The following BTBD9 variants were observed in gnomAD, a reference collection of about 807,000 sequenced individuals.
BTBD9 encodes the protein BTB/POZ domain-containing protein 9.
In BTBD9, 49 loss-of-function variants were observed where a neutral mutation model predicts 64.3. That is an observed-to-expected ratio of 0.76 (90% CI 0.61 to 0.97). The LOEUF (loss-of-function observed/expected upper bound fraction) is 0.97. Ranked by LOEUF, BTBD9 falls within the 50% of genes least tolerant of loss-of-function variation. BTBD9 has a pLI of 0.00. For missense variants in BTBD9, 598 were observed against 762.1 expected (o/e 0.78, Z 2.53); for synonymous variants, 260 against 274.7 (o/e 0.95, Z 0.53).
chr6:38,259,993 A>G (rs1167941306), intron 8 of BTBD9, among the ~76,000 whole-genome samples: 4 of 152,178 alleles, frequency 2.6e-5, no homozygotes, highest in African/African-American at 9.6e-5. Context: ...CATTTCCTCA[A>G]ATATTATCCT....
rs543241743 is a variant in BTBD9, at chr6:38,276,421, T to A, written c.1454+11851A>T. Among the ~76,000 whole-genome samples the A allele has an allele frequency of 3.8e-4, 58 of 151,928 alleles. 1 individual carries two copies. Among genetic ancestry groups the A allele is most frequent in the Admixed American group, 3.4e-3 (52 of 15,254 alleles). The stretch of plus-strand genomic sequence containing the variant: ...CTAAATGACGAGTTAATGGGTGCAG[T>A]ACACCGACATGGCACATGTATACAT... On this transcript the variant is annotated intron_variant, in intron 8 of 10. Coordinates refer to ENST00000481247, the MANE Select transcript of BTBD9 (RefSeq NM_001099272.2).
chr6:38,587,995 A>C, intron 4 of BTBD9: 1 of 742,532 alleles, frequency 1.3e-6, no homozygotes, highest in Non-Finnish European at 2.5e-6. Flanking sequence ...CTCACCCACC[A>C]GGAGTTCAGC....
rs1431190278 is a variant in BTBD9 at position 38,351,409 on chromosome 6, T to G, written c.1155-6316A>C. On this transcript the variant is annotated intron_variant, in intron 6 of 10. Transcript: ENST00000481247. ...CTTGTTTTTGAGAGAAAACTCATAC[T>G]ATATAGAATCAATTATATGGAAGGG... Among the ~76,000 whole-genome samples the G allele has an allele frequency of 2.0e-5, 3 of 152,034 alleles. No homozygotes were observed. In the East Asian group the frequency reaches 5.8e-4, roughly 29 times the overall value.
chr6:38,503,981 C>T (rs1388027798), intron 6 of BTBD9, among the ~76,000 whole-genome samples: 1 of 152,162 alleles, frequency 6.6e-6, no homozygotes, highest in Non-Finnish European at 1.5e-5. Context: ...ATTCTTGCCC[C>T]TCTTTGAACC....
intron 1 of BTBD9, among the ~76,000 whole-genome samples, chr6:38,607,524 A>C (rs1347632198): frequency 6.6e-6 from 1 of 152,146 alleles, no homozygotes; most frequent in Non-Finnish European, 1.5e-5. Context: ...GCATACTCTT[A>C]ATGCTTCACT....
chr6:38,617,872 C>G (rs1777844548), intron 1 of BTBD9, among the ~76,000 whole-genome samples: 1 of 152,110 alleles, frequency 6.6e-6, no homozygotes, highest in Non-Finnish European at 1.5e-5. Flanking sequence ...TTTGAGAATG[C>G]ATCCGTAAGG....
chr6:38,435,815 C>A (rs899953590), intron 6 of BTBD9, among the ~76,000 whole-genome samples: 4 of 150,854 alleles, frequency 2.7e-5, no homozygotes, highest in Non-Finnish European at 5.9e-5. Flanking sequence ...ATTACAGGTG[C>A]CCGCCACTGC....
At chr6:38,632,970 C>A (rs554635898) in intron 1 of BTBD9, among the ~76,000 whole-genome samples, 2 of 152,170 alleles carry the variant, frequency 1.3e-5, no homozygotes, top group South Asian at 4.2e-4. Flanking sequence ...AGTGGGAAAT[C>A]TGAATATTCA....
At chr6:38,618,692 T>TG (rs1582726288) in intron 1 of BTBD9, among the ~76,000 whole-genome samples, 2 of 152,212 alleles carry the variant, frequency 1.3e-5, no homozygotes, top group African/African-American at 4.8e-5. Flanking sequence ...AGGGTAGACC[T>TG]GGGGAAGTTT....
chr6:38,510,417 C>A (rs1370798924), intron 6 of BTBD9, among the ~76,000 whole-genome samples: 1 of 152,082 alleles, frequency 6.6e-6, no homozygotes, highest in African/African-American at 2.4e-5. Context: ...GGTGAGTCAG[C>A]GAGTGAGTGG....
intron 6 of BTBD9, among the ~76,000 whole-genome samples, chr6:38,532,232 A>G (rs1414910689): frequency 6.6e-6 from 1 of 152,222 alleles, no homozygotes; most frequent in African/African-American, 2.4e-5. Context: ...CCACAACAGC[A>G]GGAGCATTTA....
At position 38,594,181 on chromosome 6, in the gene BTBD9, A is replaced by G. The variant is rs1477530506; in HGVS notation, c.332T>C (p.Leu111Pro). ...TTTATGAGCCAGGCTCAAAAAGTCC[A>G]GCAGCACCTCCTCCTTCTCATCTGT... The part of the protein sequence containing the change: ...TLTDEKEEVL[L>P]DFLSLAHKYG... The change falls in exon 3 of 11, where the codon CTG becomes CCG. Residue 111 changes from leucine to proline, a missense_variant. By Grantham distance (98) the Leu-to-Pro change is moderately conservative (BLOSUM62 -3). Transcript: ENST00000481247. The G allele has an allele frequency of 1.2e-6, 2 of 1,614,200 alleles. No homozygotes were observed.
intron 1 of BTBD9, among the ~76,000 whole-genome samples, chr6:38,637,211 T>C (rs1163360698): frequency 6.6e-6 from 1 of 152,212 alleles, no homozygotes; most frequent in Non-Finnish European, 1.5e-5. Flanking sequence ...GTTTATCTCT[T>C]CTGATGAACA....
At chr6:38,297,018 G>T (rs889390291) in intron 7 of BTBD9, among the ~76,000 whole-genome samples, 3 of 152,238 alleles carry the variant, frequency 2.0e-5, no homozygotes, top group Admixed American at 2.0e-4. Flanking sequence ...GATCAAAATT[G>T]CCAATTGTAT....
At chr6:38,458,635 G>A (rs190779988) in intron 6 of BTBD9, among the ~76,000 whole-genome samples, 73 of 152,310 alleles carry the variant, frequency 4.8e-4, no homozygotes, top group African/African-American at 1.6e-3. Flanking sequence ...AAAGATACCT[G>A]ACATCATTCT....
intron 6 of BTBD9, among the ~76,000 whole-genome samples, chr6:38,377,195 A>G (rs918760417): frequency 6.6e-6 from 1 of 152,232 alleles, no homozygotes; most frequent in South Asian, 2.1e-4. Flanking sequence ...AACATTTTAC[A>G]TAATGCTTTC....
At chr6:38,403,299 A>G (rs905191360) in intron 6 of BTBD9, among the ~76,000 whole-genome samples, 2 of 152,192 alleles carry the variant, frequency 1.3e-5, no homozygotes, top group African/African-American at 4.8e-5. Context: ...ATTAAATCAT[A>G]TATCTGATAG....
intron 9 of BTBD9, among the ~76,000 whole-genome samples, chr6:38,227,425 T>C (rs551821001): frequency 2.0e-5 from 3 of 152,224 alleles, no homozygotes. Flanking sequence ...CTCTCAAAAA[T>C]AGGAGAATAA....
chr6:38,375,634 T>G (rs1765649795), intron 6 of BTBD9, among the ~76,000 whole-genome samples: 2 of 152,174 alleles, frequency 1.3e-5, no homozygotes, highest in African/African-American at 4.8e-5. Flanking sequence ...CAGAGGAATT[T>G]AACTATCTGA....
Sources: gnomAD v4.1 joint callset for allele counts (sites outside exome capture counted in the v4.1 genomes callset) on GRCh38, gnomAD v4.1.1 for gene constraint, MANE v1.5 for transcripts, NCBI Gene and HGNC (gene_info 2026-07-23, HGNC 2026-07-21) for gene names.